The following FRMD4A variants were observed in gnomAD, a reference collection of about 807,000 sequenced individuals.
The protein encoded by FRMD4A is FERM domain-containing protein 4A.
FRMD4A carries 29 observed loss-of-function variants against 129.1 expected under a neutral mutation model. The observed-to-expected ratio is 0.22, with a 90% CI of 0.17 to 0.31. The LOEUF (loss-of-function observed/expected upper bound fraction) is 0.31. FRMD4A is among the 10% of genes least tolerant of loss of function. The probability of loss-of-function intolerance (pLI) is 1.00; values close to 1 mark genes in which losing one functional copy is unlikely to be tolerated. For missense variants in FRMD4A, 1,272 were observed against 1,375.8 expected, an observed-to-expected ratio of 0.92 and a Z score of 1.19; for synonymous variants, 634 against 571.6, an observed-to-expected ratio of 1.11 and a Z score of -1.56.
At chr10:14,114,400 T>C (rs1469917722) in intron 2 of FRMD4A, among the ~76,000 whole-genome samples, 1 of 152,176 alleles carries the variant, frequency 6.6e-6, no homozygotes, top group Non-Finnish European at 1.5e-5. Context: ...ATACCCATGC[T>C]CCAAAGCTTC....
At chr10:13,875,154 A>G (rs2094476011) in intron 2 of FRMD4A, among the ~76,000 whole-genome samples, 1 of 152,218 alleles carries the variant, frequency 6.6e-6, no homozygotes, top group African/African-American at 2.4e-5. Context: ...GCGGATGAGA[A>G]GGAAGCAGTG....
At chr10:14,078,776 C>T (rs1233816972) in intron 2 of FRMD4A, among the ~76,000 whole-genome samples, 3 of 152,218 alleles carry the variant, frequency 2.0e-5, no homozygotes, top group African/African-American at 7.2e-5. Flanking sequence ...GCTCCAAGCC[C>T]ATGTGTTTCC....
At chr10:13,839,884 G>T (rs2093935638) in intron 3 of FRMD4A, among the ~76,000 whole-genome samples, 1 of 152,208 alleles carries the variant, frequency 6.6e-6, no homozygotes, top group Non-Finnish European at 1.5e-5. Flanking sequence ...TGTCTTCAGA[G>T]CCAGAGCAGA....
chr10:14,310,738 C>T (rs1256470636), intron 2 of FRMD4A, among the ~76,000 whole-genome samples: 1 of 152,166 alleles, frequency 6.6e-6, no homozygotes, highest in African/African-American at 2.4e-5. Flanking sequence ...ATGCAAATGG[C>T]ACACCTTGTC....
intron 2 of FRMD4A, among the ~76,000 whole-genome samples, chr10:14,219,294 G>A (rs1304821773): frequency 6.6e-6 from 1 of 152,112 alleles, no homozygotes; most frequent in East Asian, 1.9e-4. Context: ...TGTGTTGGAG[G>A]ACACCCATTC....
chr10:14,239,004 C>T (rs951775132), intron 2 of FRMD4A, among the ~76,000 whole-genome samples: 39 of 152,038 alleles, frequency 2.6e-4, no homozygotes, highest in African/African-American at 8.5e-4. Flanking sequence ...TGATTCCTTT[C>T]GACTCTTATT....
intron 12 of FRMD4A, among the ~76,000 whole-genome samples, chr10:13,725,295 G>T (rs1385894478): frequency 6.6e-6 from 1 of 152,214 alleles, no homozygotes; most frequent in African/African-American, 2.4e-5. Context: ...GGCAGGGGCA[G>T]GCGTGCAGCA....
chr10:13,851,926 A>C (rs2094145547), intron 3 of FRMD4A, among the ~76,000 whole-genome samples: 1 of 151,358 alleles, frequency 6.6e-6, no homozygotes, highest in South Asian at 2.1e-4. Flanking sequence ...AAAAGATTCT[A>C]ATGCCTGATG....
At chr10:14,029,893 T>C (rs1158366695) in intron 2 of FRMD4A, among the ~76,000 whole-genome samples, 1 of 144,740 alleles carries the variant, frequency 6.9e-6, no homozygotes, top group Non-Finnish European at 1.5e-5. Context: ...AGGTCCAGTT[T>C]CATTATTCTG....
intron 15 of FRMD4A, chr10:13,684,292 C>A: frequency 1.0e-6 from 1 of 982,414 alleles, no homozygotes. Flanking sequence ...AATTCCCATC[C>A]AAGCAGAGAG....
Position 13,669,704 on chromosome 10 carries a change from A to G in FRMD4A, c.1374+702T>C, listed in dbSNP as rs566606972. On this transcript the variant is annotated intron_variant, in intron 17 of 24. Coordinates refer to ENST00000357447, the MANE Select transcript of FRMD4A (RefSeq NM_018027.5). ...GCAGGAGCCCTGGGCCTGAGGGTAT[A>G]CCTGGCCTTTACTTTCTCTTGGCCT... 1.6e-4 allele frequency among the ~76,000 whole-genome samples: 24 copies of G among 152,346 alleles called. 1 individual carries two copies. The South Asian group carries it at 5.0e-3, about 32-fold the overall frequency.
intron 2 of FRMD4A, among the ~76,000 whole-genome samples, chr10:14,175,856 C>T (rs766629865): frequency 2.6e-5 from 4 of 152,178 alleles, no homozygotes; most frequent in Non-Finnish European, 4.4e-5. Context: ...TTCTCTGCGT[C>T]ACCTTAGTTG....
chr10:13,770,072 G>A (rs532118419), intron 6 of FRMD4A, among the ~76,000 whole-genome samples: 5 of 152,188 alleles, frequency 3.3e-5, no homozygotes, highest in East Asian at 1.9e-4. Flanking sequence ...CTAATACACC[G>A]TATATCATTA....
chr10:14,165,884 GA>G (rs991076695), intron 2 of FRMD4A, among the ~76,000 whole-genome samples: 7 of 152,140 alleles, frequency 4.6e-5, no homozygotes, highest in African/African-American at 1.7e-4. Flanking sequence ...GGCAAGGACT[GA>G]AAATCTTTCT....
chr10:13,919,860 C>G (rs540227785), intron 2 of FRMD4A, among the ~76,000 whole-genome samples: 2 of 152,242 alleles, frequency 1.3e-5, no homozygotes, highest in Non-Finnish European at 2.9e-5. Flanking sequence ...ATTGCTTGAA[C>G]CCAAGAGGCA....
intron 2 of FRMD4A, among the ~76,000 whole-genome samples, chr10:14,068,336 T>C (rs1038309134): frequency 8.5e-5 from 13 of 152,192 alleles, no homozygotes; most frequent in African/African-American, 3.1e-4. Context: ...AGTGAAATGG[T>C]TATGCCTAAG....
intron 2 of FRMD4A, among the ~76,000 whole-genome samples, chr10:14,006,257 G>T: frequency 6.6e-6 from 1 of 152,164 alleles, no homozygotes; most frequent in South Asian, 2.1e-4. Flanking sequence ...CCAAGGATGT[G>T]CAGCGCGGGA....
intron 13 of FRMD4A, among the ~76,000 whole-genome samples, chr10:13,706,008 G>A (rs1366251243): frequency 2.0e-5 from 3 of 152,168 alleles, no homozygotes; most frequent in African/African-American, 7.2e-5. Context: ...TCACTGGGCG[G>A]GGTAACTCCA....
intron 2 of FRMD4A, among the ~76,000 whole-genome samples, chr10:13,983,157 C>T (rs1430851404): frequency 6.6e-6 from 1 of 152,130 alleles, no homozygotes; most frequent in Admixed American, 6.5e-5. Flanking sequence ...GATGAGGTTT[C>T]ACCATGTCGG....
Sources: allele counts gnomAD v4.1 joint callset (sites outside exome capture counted in the v4.1 genomes callset), GRCh38; gene constraint gnomAD v4.1.1; transcripts MANE v1.5; gene names NCBI Gene and HGNC (gene_info 2026-07-23, HGNC 2026-07-21).